SLCO3A1: variants seen among roughly 807,000 people sequenced by gnomAD.
SLCO3A1 encodes PGE1 transporter.
SLCO3A1 carries 27 observed loss-of-function variants against 63.1 expected under a neutral mutation model. That is an observed-to-expected ratio of 0.43 (90% confidence interval 0.32 to 0.59). The LOEUF (loss-of-function observed/expected upper bound fraction) is 0.59, where lower values mean the gene tolerates loss of function less well. SLCO3A1 is among the 20% of genes least tolerant of loss of function. SLCO3A1 has a pLI of 0.09. For synonymous variants in SLCO3A1, 473 were observed against 409.9 expected (o/e 1.15, Z -1.86); for missense variants, 773 against 945.8 (o/e 0.82, Z 2.40).
Position 92,164,911 on chromosome 15 carries a change from T to C in SLCO3A1, c.*1776T>C, listed in dbSNP as rs755388458. ...GGCCCTGCTAACTTACTCCTCATGC[T>C]GCTTCAGTGACCTTTGTTCATGTCA... is the stretch of plus-strand genomic sequence containing the variant. On this transcript the variant is annotated 3_prime_UTR_variant, in exon 10 of 10. Transcript: ENST00000318445. 2.1e-4 allele frequency: 203 copies of C among 985,326 alleles called. No individual in the cohort carries two copies. Among genetic ancestry groups the C allele is most frequent in the Non-Finnish European group, 2.1e-4 (178 of 829,942 alleles). 61.0% of individuals were successfully genotyped at this position (985,326 alleles called of 1,614,324 possible).
rs1899623631 is a variant in SLCO3A1 at position 91,941,593 on chromosome 15, C to T, written c.646+25135C>T. 2.2e-6 allele frequency: 1 copy of T among 455,732 alleles called. No homozygotes were observed. Among genetic ancestry groups the T allele is most frequent in the African/African-American group, 2.0e-5 (1 of 50,032 alleles). 28.2% of individuals were successfully genotyped at this position (455,732 alleles called of 1,614,324 possible). On this transcript the variant is annotated intron_variant, in intron 2 of 9. Coordinates refer to ENST00000318445, the MANE Select transcript of SLCO3A1 (RefSeq NM_013272.4). This position sits in a 1 kb window ranked among gnomAD's most constrained non-coding sequence, Gnocchi z 4.4. ...TTTCACTCAGTAAGTAATCTTTTCT[C>T]TTCCTTCGTCTTGGAGGTTTTGAAG...
chr15:92,032,650 CG>C (rs1567077696), intron 2 of SLCO3A1, among the ~76,000 whole-genome samples: 1 of 151,878 alleles, frequency 6.6e-6, no homozygotes, highest in Admixed American at 6.6e-5. Flanking sequence ...GCCCTGGGTG[CG>C]GTGATTGGGT....
intron 2 of SLCO3A1, among the ~76,000 whole-genome samples, chr15:92,071,886 G>A (rs994528908): frequency 3.3e-5 from 5 of 152,198 alleles, no homozygotes; most frequent in South Asian, 2.1e-4. Context: ...TGGGGGCCTG[G>A]GCGTGATGAG....
At chr15:92,055,535 C>A (rs902437537) in intron 2 of SLCO3A1, among the ~76,000 whole-genome samples, 1 of 152,204 alleles carries the variant, frequency 6.6e-6, no homozygotes, top group African/African-American at 2.4e-5. Context: ...AACTTCCTTT[C>A]CTTATTCATT....
chr15:92,092,032 T>A (rs534533127), intron 2 of SLCO3A1, among the ~76,000 whole-genome samples: 33 of 152,220 alleles, frequency 2.2e-4, no homozygotes, highest in Non-Finnish European at 4.6e-4. Context: ...ATCTGGGCCC[T>A]GTGGGGCTCC....
At chr15:92,086,559 C>G (rs1273727996) in intron 2 of SLCO3A1, among the ~76,000 whole-genome samples, 2 of 152,036 alleles carry the variant, frequency 1.3e-5, no homozygotes, top group Non-Finnish European at 2.9e-5. Flanking sequence ...CATGTATTTT[C>G]CCACATTTTC....
At chr15:92,142,010 C>T (rs2048140038) in intron 7 of SLCO3A1, among the ~76,000 whole-genome samples, 1 of 152,226 alleles carries the variant, frequency 6.6e-6, no homozygotes, top group Non-Finnish European at 1.5e-5. Flanking sequence ...GGAAACCCAT[C>T]CAAGTCCTTG....
At chr15:92,162,693 G>T in intron 9 of SLCO3A1, 63 bp from the exon 10 acceptor site, 1 of 1,535,038 alleles carries the variant, frequency 6.5e-7, no homozygotes, top group South Asian at 1.3e-5. Context: ...GCTAGGCAGA[G>T]ACAGGAACAG....
intron 1 of SLCO3A1, among the ~76,000 whole-genome samples, chr15:91,874,941 T>C (rs1375796736): frequency 3.9e-5 from 6 of 152,220 alleles, no homozygotes; most frequent in Non-Finnish European, 8.8e-5. Flanking sequence ...GAGGAGATAA[T>C]TGGTGAGGAA....
intron 7 of SLCO3A1, among the ~76,000 whole-genome samples, 176 bp from the exon 8 acceptor site, chr15:92,146,808 A>G (rs2048230760): frequency 6.6e-6 from 1 of 151,646 alleles, no homozygotes; most frequent in Non-Finnish European, 1.5e-5. Flanking sequence ...ATATTCCTTT[A>G]TTTATGTGTG....
intron 2 of SLCO3A1, among the ~76,000 whole-genome samples, chr15:92,063,579 G>T (rs1036678116): frequency 6.6e-6 from 1 of 152,184 alleles, no homozygotes; most frequent in African/African-American, 2.4e-5. Context: ...TAAAAAATGG[G>T]CCGGGTGTGG....
At position 91,897,123 on chromosome 15, in the gene SLCO3A1, C is replaced by T. The variant is rs1323390869; in HGVS notation, c.181-18870C>T. On this transcript the variant is annotated intron_variant, in intron 1 of 9. Coordinates refer to ENST00000318445, the MANE Select transcript of SLCO3A1 (RefSeq NM_013272.4). The surrounding 1 kb of genome is among the most constrained non-coding windows in gnomAD (Gnocchi z 4.7). ...AAAGTAACCGTAAGATAAGTTCCTA[C>T]CACACTATTTGCCATTGTCTATACA... 1.3e-5 allele frequency among the ~76,000 whole-genome samples: 2 copies of T among 152,178 alleles called. No individual in the cohort carries two copies. Among genetic ancestry groups the T allele is most frequent in the Non-Finnish European group, 2.9e-5 (2 of 68,028 alleles).
At chr15:92,016,765 G>A (rs2046442769) in intron 2 of SLCO3A1, among the ~76,000 whole-genome samples, 1 of 152,154 alleles carries the variant, frequency 6.6e-6, no homozygotes, top group South Asian at 2.1e-4. Flanking sequence ...GTGACAGATG[G>A]TCACAGTCAT....
intron 2 of SLCO3A1, among the ~76,000 whole-genome samples, chr15:92,059,803 T>C (rs2047064746): frequency 1.3e-5 from 2 of 152,238 alleles, no homozygotes; most frequent in African/African-American, 2.4e-5. Context: ...GATAAGTGCA[T>C]ATCACTGTAG....
chr15:91,916,094 C>T lies in SLCO3A1; in HGVS notation c.282C>T (p.Leu94=), dbSNP rs1898646225. The T allele has an allele frequency of 1.9e-6, 3 of 1,612,702 alleles. No individual in the cohort carries two copies. The South Asian group carries it at 3.3e-5, about 18-fold the overall frequency. ...SFEIGNLALI[L]FVSYFGARGH... ...AGATCGGGAACCTGGCGCTCATCCT[C>T]TTCGTGAGCTACTTCGGGGCACGCG... The change falls in exon 2 of 10, where the codon CTC becomes CTT. Residue 94 remains leucine (L), a synonymous_variant. Transcript: ENST00000318445. The surrounding 1 kb of genome is among the most constrained non-coding windows in gnomAD (Gnocchi z 6.2).
chr15:92,076,023 G>A (rs1006670905), intron 2 of SLCO3A1, among the ~76,000 whole-genome samples: 1 of 152,224 alleles, frequency 6.6e-6, no homozygotes, highest in African/African-American at 2.4e-5. Context: ...ACTTCTGACA[G>A]TGACAGCTCC....
chr15:92,145,785 A>G (rs2048213815), intron 7 of SLCO3A1, among the ~76,000 whole-genome samples: 3 of 152,224 alleles, frequency 2.0e-5, no homozygotes, highest in Admixed American at 1.3e-4. Flanking sequence ...TGCTCTGGGC[A>G]GACACTGAGG....
downstream of SLCO3A1, among the ~76,000 whole-genome samples, chr15:92,166,205 G>A (rs1330740173): frequency 6.6e-6 from 1 of 152,140 alleles, no homozygotes; most frequent in African/African-American, 2.4e-5. Context: ...AGGCACCCTG[G>A]GGGACAGGGC....
chr15:91,944,160 A>G (rs1367313383), intron 2 of SLCO3A1, among the ~76,000 whole-genome samples: 1 of 152,150 alleles, frequency 6.6e-6, no homozygotes, highest in Non-Finnish European at 1.5e-5. Context: ...TTGATCTATT[A>G]CAAAGGACTG....
Sources: allele counts gnomAD v4.1 joint callset (sites outside exome capture counted in the v4.1 genomes callset), GRCh38; gene constraint gnomAD v4.1.1; non-coding constraint Gnocchi (gnomAD v3.1); transcripts MANE v1.5; gene names NCBI Gene and HGNC (gene_info 2026-07-23, HGNC 2026-07-21).